The following PHACTR1 variants were observed in gnomAD, a reference collection of about 807,000 sequenced individuals.
The protein encoded by PHACTR1 is RPEL repeat containing 1.
A neutral mutation model predicts 69.2 loss-of-function variants in PHACTR1; 16 were observed. The observed-to-expected ratio is 0.23, with a 90% CI of 0.16 to 0.35. The LOEUF is 0.35. Ranked by LOEUF, PHACTR1 falls within the 10% of genes least tolerant of loss-of-function variation. PHACTR1 has a pLI of 1.00. For synonymous variants in PHACTR1, 312 were observed against 284.5 expected (o/e 1.10, Z -0.97); for missense variants, 510 against 734.7 (o/e 0.69, Z 3.54).
intron 4 of PHACTR1, among the ~76,000 whole-genome samples, chr6:12,888,602 A>G (rs1783870973): frequency 6.6e-6 from 1 of 152,244 alleles, no homozygotes; most frequent in African/African-American, 2.4e-5. Flanking sequence ...AACAACTTTT[A>G]GATTTTCTAA....
At chr6:12,784,197 T>C (rs985962712) in intron 4 of PHACTR1, among the ~76,000 whole-genome samples, 2 of 151,962 alleles carry the variant, frequency 1.3e-5, no homozygotes, top group Admixed American at 6.5e-5. Flanking sequence ...GATATACATA[T>C]ATATCTATAC....
At chr6:13,157,161 C>T (rs1372003707) in intron 5 of PHACTR1, among the ~76,000 whole-genome samples, 1 of 152,192 alleles carries the variant, frequency 6.6e-6, no homozygotes, top group Non-Finnish European at 1.5e-5. Flanking sequence ...TCTGTTCCTT[C>T]CTGGAACCAT....
At chr6:12,819,173 C>T (rs62389223) in intron 4 of PHACTR1, among the ~76,000 whole-genome samples, 12,383 of 152,244 alleles carry the variant, frequency 0.081, 535 homozygotes, top group Middle Eastern at 0.12. Flanking sequence ...ATAATGCTTT[C>T]CTTTTGTTGA....
intron 4 of PHACTR1, among the ~76,000 whole-genome samples, chr6:12,906,582 G>C (rs1785755470): frequency 6.6e-6 from 1 of 152,216 alleles, no homozygotes; most frequent in African/African-American, 2.4e-5. Context: ...TACATAAAAG[G>C]AGAATTTTTT....
rs577849346 is a variant in PHACTR1, at chr6:12,789,834, G to C, written c.250+40044G>C. Among the ~76,000 whole-genome samples, 5 of 151,498 alleles carry C rather than the reference G, an allele frequency of 3.3e-5. No individual in the cohort carries two copies. In the South Asian group the frequency reaches 1.0e-3, roughly 32 times the overall value. ...GTACATGTGCACAACGTGCAGGTTA[G>C]TTACATATGTATACATGTGCCATGC... On this transcript the variant is annotated intron_variant, in intron 4 of 14. Transcript: ENST00000332995.
intron 4 of PHACTR1, among the ~76,000 whole-genome samples, chr6:13,019,792 G>A (rs1800705032): frequency 6.6e-6 from 1 of 152,120 alleles, no homozygotes; most frequent in African/African-American, 2.4e-5. Context: ...AATGGGGGTG[G>A]GTGAAAGGAT....
intron 4 of PHACTR1, among the ~76,000 whole-genome samples, chr6:12,820,937 G>T (rs1171559517): frequency 6.6e-6 from 1 of 152,124 alleles, no homozygotes; most frequent in Non-Finnish European, 1.5e-5. Context: ...ATGTGCTGTT[G>T]AGAAATGAGA....
chr6:12,994,518 G>GA (rs1481176817), intron 4 of PHACTR1, among the ~76,000 whole-genome samples: 1 of 152,042 alleles, frequency 6.6e-6, no homozygotes, highest in Non-Finnish European at 1.5e-5. Context: ...CTAACTCCAG[G>GA]AAAAATGAAA....
intron 5 of PHACTR1, among the ~76,000 whole-genome samples, chr6:13,159,125 C>T (rs1306260387): frequency 6.6e-6 from 1 of 152,212 alleles, no homozygotes; most frequent in Non-Finnish European, 1.5e-5. Flanking sequence ...TGCCCCCCAG[C>T]ACACCCACTG....
At chr6:12,723,041 T>A (rs1224888835) in intron 3 of PHACTR1, among the ~76,000 whole-genome samples, 1 of 152,166 alleles carries the variant, frequency 6.6e-6, no homozygotes, top group East Asian at 1.9e-4. Flanking sequence ...TAGTGAACAA[T>A]TGAACTTGAA....
chr6:13,253,502 C>A (rs901863387), intron 10 of PHACTR1, among the ~76,000 whole-genome samples: 1 of 152,184 alleles, frequency 6.6e-6, no homozygotes, highest in Non-Finnish European at 1.5e-5. Flanking sequence ...ATAGCAAACA[C>A]CAGAACTTCC....
intron 4 of PHACTR1, among the ~76,000 whole-genome samples, chr6:12,752,102 A>G (rs1198820236): frequency 2.6e-5 from 4 of 152,158 alleles, no homozygotes; most frequent in African/African-American, 9.7e-5. Flanking sequence ...TCGGGCGTTT[A>G]TGCTCTAATT....
chr6:12,878,685 G>A (rs931841219), intron 4 of PHACTR1, among the ~76,000 whole-genome samples: 3 of 152,192 alleles, frequency 2.0e-5, no homozygotes, highest in African/African-American at 7.2e-5. Context: ...TTGCTCTGGG[G>A]ATTTTTTAGT....
At chr6:12,840,691 A>G (rs1431642961) in intron 4 of PHACTR1, among the ~76,000 whole-genome samples, 1 of 152,224 alleles carries the variant, frequency 6.6e-6, no homozygotes, top group Non-Finnish European at 1.5e-5. Context: ...ATACCCATAC[A>G]TCAGCACAAG....
At chr6:13,284,269 G>A (rs781408173) in intron 13 of PHACTR1, among the ~76,000 whole-genome samples, 10 of 151,948 alleles carry the variant, frequency 6.6e-5, no homozygotes, top group Non-Finnish European at 1.2e-4. Flanking sequence ...TGTAATCCCA[G>A]CACTTTGGGA....
intron 4 of PHACTR1, among the ~76,000 whole-genome samples, chr6:12,876,010 G>C (rs777550054): frequency 6.6e-6 from 1 of 152,200 alleles, no homozygotes; most frequent in Non-Finnish European, 1.5e-5. Context: ...ACTATAATCA[G>C]TCCATTGAAG....
intron 4 of PHACTR1, among the ~76,000 whole-genome samples, chr6:13,038,220 G>A (rs1803619466): frequency 6.6e-6 from 1 of 152,134 alleles, no homozygotes; most frequent in African/African-American, 2.4e-5. Flanking sequence ...ACCCAGAGAA[G>A]TTAAAAACTT....
chr6:12,763,978 C>A (rs2127615162), intron 4 of PHACTR1, among the ~76,000 whole-genome samples: 1 of 152,180 alleles, frequency 6.6e-6, no homozygotes, highest in East Asian at 1.9e-4. Flanking sequence ...TATGTGATTT[C>A]TTTTAACCTT....
At chr6:13,004,322 G>A (rs943238489) in intron 4 of PHACTR1, among the ~76,000 whole-genome samples, 3 of 151,880 alleles carry the variant, frequency 2.0e-5, no homozygotes, top group African/African-American at 7.3e-5. Context: ...TAGCCATTCT[G>A]ACTGGTGTGA....
Sources: allele counts gnomAD v4.1 joint callset (sites outside exome capture counted in the v4.1 genomes callset), GRCh38; gene constraint gnomAD v4.1.1; transcripts MANE v1.5; gene names NCBI Gene and HGNC (gene_info 2026-07-23, HGNC 2026-07-21).